THADA: variants seen among roughly 807,000 people sequenced by gnomAD.
THADA encodes THADA armadillo repeat containing.
A neutral mutation model predicts 219.8 loss-of-function variants in THADA; 213 were observed. That is an observed-to-expected ratio of 0.97 (90% CI 0.87 to 1.09). The LOEUF (loss-of-function observed/expected upper bound fraction) is 1.09, where lower values mean the gene tolerates loss of function less well. Among genes scored for constraint, THADA ranks in the 50% least tolerant of loss-of-function variants. The pLI is 0.00. For synonymous variants in THADA, 1,018 were observed against 828.9 expected, an observed-to-expected ratio of 1.23 and a Z score of -3.92; for missense variants, 2,956 against 2,311.3, an observed-to-expected ratio of 1.28 and a Z score of -5.72.
chr2:43,384,639 C>T (rs112324420), intron 29 of THADA, among the ~76,000 whole-genome samples: 35 of 152,252 alleles, frequency 2.3e-4, no homozygotes, highest in African/African-American at 8.2e-4. Context: ...AATTTTCTCT[C>T]AATCTGATCA....
intron 22 of THADA, among the ~76,000 whole-genome samples, chr2:43,520,593 G>C (rs778553419): frequency 6.6e-6 from 1 of 152,050 alleles, no homozygotes; most frequent in African/African-American, 2.4e-5. Flanking sequence ...AGGAAGCTGA[G>C]GTGAGAGGAC....
chr2:43,417,235 A>G (rs1677108706), intron 28 of THADA, among the ~76,000 whole-genome samples: 2 of 151,948 alleles, frequency 1.3e-5, no homozygotes. Flanking sequence ...ACTTAAGATG[A>G]CATACTAAAG....
At chr2:43,489,974 A>C (rs1687431104) in intron 25 of THADA, among the ~76,000 whole-genome samples, 1 of 152,060 alleles carries the variant, frequency 6.6e-6, no homozygotes, top group East Asian at 1.9e-4. Context: ...ACAATAGTTA[A>C]GTCTTCCAGT....
intron 25 of THADA, chr2:43,492,328 A>T (rs1687740966): frequency 6.6e-6 from 1 of 151,900 alleles, no homozygotes; most frequent in African/African-American, 2.4e-5. Context: ...AAAAAAAAAA[A>T]TACAGAACAG....
intron 29 of THADA, among the ~76,000 whole-genome samples, chr2:43,350,722 G>A (rs182867625): frequency 6.6e-6 from 1 of 152,346 alleles, no homozygotes; most frequent in Admixed American, 6.5e-5. Flanking sequence ...GGCACTTGCT[G>A]TCCACATGAA....
chr2:43,562,172 C>G (rs1212367042), intron 15 of THADA: 4 of 152,184 alleles, frequency 2.6e-5, no homozygotes, highest in Non-Finnish European at 4.4e-5. Context: ...GTTTTTGCCT[C>G]TATATCCATA....
chr2:43,286,883 C>A (rs1479771068), intron 35 of THADA, 25 bp downstream of exon 35: 3 of 1,599,114 alleles, frequency 1.9e-6, no homozygotes, highest in Non-Finnish European at 2.6e-6. Context: ...TTTGGTACAA[C>A]AGACTTCCGT....
At chr2:43,309,130 G>A (rs562005840) in intron 31 of THADA, among the ~76,000 whole-genome samples, 4 of 152,192 alleles carry the variant, frequency 2.6e-5, no homozygotes, top group Admixed American at 6.5e-5. Flanking sequence ...CAAACAACTC[G>A]AATTTAAAAA....
rs555799658 is a variant in THADA at position 43,245,426 on chromosome 2, G to A, written c.5297-12544C>T. Among the ~76,000 whole-genome samples the A allele has an allele frequency of 6.6e-5, 10 of 152,208 alleles. No individual in the cohort carries two copies. In the South Asian group the frequency reaches 1.9e-3, roughly 28 times the overall value. On this transcript the variant is annotated intron_variant, in intron 36 of 37. Coordinates refer to ENST00000405975, the MANE Select transcript of THADA (RefSeq NM_022065.5). ...GACCTCAGGTGATCCACCCGCCTTG[G>A]CCTCCCAACGTGCTGGGATTATAGG...
Position 43,549,191 on chromosome 2 carries a change from T to A in THADA, c.3106+19A>T, listed in dbSNP as rs183776031. On this transcript the variant is annotated intron_variant, in intron 20 of 37. Transcript: ENST00000405975. ...GGTTACTTAAACATGAATTACAGTATCCATTTTATACAAGTTACCTTTGAT... is the reference window on the plus strand; with the variant it reads ...GGTTACTTAAACATGAATTACAGTAACCATTTTATACAAGTTACCTTTGAT... 3.0e-4 allele frequency: 462 copies of A among 1,533,866 alleles called. 7 individuals carry two copies. In the Admixed American group the frequency reaches 8.6e-3, roughly 29 times the overall value.
At chr2:43,353,255 C>T (rs1441347716) in intron 29 of THADA, among the ~76,000 whole-genome samples, 1 of 152,220 alleles carries the variant, frequency 6.6e-6, no homozygotes, top group Non-Finnish European at 1.5e-5. Flanking sequence ...AATCTTCACA[C>T]TGTTTTCCAT....
chr2:43,294,911 T>A (rs1248150400), intron 31 of THADA, among the ~76,000 whole-genome samples: 2 of 151,098 alleles, frequency 1.3e-5, no homozygotes, highest in Non-Finnish European at 3.0e-5. Context: ...AGGGTAGGAG[T>A]CTCGGGTACC....
chr2:43,409,590 C>CA (rs1377923895), intron 28 of THADA, among the ~76,000 whole-genome samples: 3 of 150,754 alleles, frequency 2.0e-5, no homozygotes, highest in East Asian at 1.9e-4. Context: ...TACTGCCAGT[C>CA]AAAAAAAATA....
intron 21 of THADA, among the ~76,000 whole-genome samples, chr2:43,537,414 G>A (rs1329303196): frequency 3.9e-5 from 6 of 152,200 alleles, no homozygotes. Context: ...TAAATAGGAT[G>A]TGGTTACATG....
At chr2:43,274,718 C>T (rs1363589857) in intron 36 of THADA, among the ~76,000 whole-genome samples, 1 of 152,008 alleles carries the variant, frequency 6.6e-6, no homozygotes, top group Non-Finnish European at 1.5e-5. Context: ...TTTTTGTGGG[C>T]AAGGGGCCTT....
Position 43,230,911 on chromosome 2 carries a change from T to A in THADA, c.*37A>T. 6.5e-7 allele frequency: 1 copy of A among 1,538,250 alleles called. No individual in the cohort carries two copies. The highest frequency in any genetic ancestry group is 8.8e-7 in the Non-Finnish European group (1 of 1,142,662). On this transcript the variant is annotated 3_prime_UTR_variant, in exon 38 of 38. Coordinates refer to ENST00000405975, the MANE Select transcript of THADA (RefSeq NM_022065.5). ...TCCTGCAGATTTAGTGGAGGAAAAA[T>A]CCACACATACCCCCATCCCAATCCC...
intron 28 of THADA, among the ~76,000 whole-genome samples, chr2:43,425,187 C>G (rs780657894): frequency 2.0e-5 from 3 of 152,172 alleles, no homozygotes; most frequent in African/African-American, 7.2e-5. Flanking sequence ...GCCTTGCTCT[C>G]TGAACCTCAA....
chr2:43,574,456 C>T lies in THADA; in HGVS notation c.1609G>A (p.Gly537Arg). Residue 537 changes from glycine to arginine, a missense_variant, in exon 11 of 38, where the codon GGA (glycine) becomes AGA (arginine). Physicochemically the swap from Gly to Arg is moderately radical, Grantham distance 125 (BLOSUM62 -2). Transcript: ENST00000405975. ...ACGTAAGATTTTTGATCCAAGTTTC[C>T]TTCACACAATATAAAAAGGAGAGGA... ...VSPLLFILCE[G>R]NLDQKSYVID... The T allele has an allele frequency of 2.5e-6, 4 of 1,613,334 alleles. No homozygotes were observed. Among genetic ancestry groups the T allele is most frequent in the South Asian group, 1.1e-5 (1 of 91,000 alleles).
At chr2:43,241,790 G>A (rs1005947944) in intron 36 of THADA, among the ~76,000 whole-genome samples, 1 of 151,976 alleles carries the variant, frequency 6.6e-6, no homozygotes, top group Non-Finnish European at 1.5e-5. Flanking sequence ...CGCCTTTCAC[G>A]TGCGTGCTCA....
Sources: gnomAD v4.1 joint callset for allele counts (sites outside exome capture counted in the v4.1 genomes callset) on GRCh38, gnomAD v4.1.1 for gene constraint, MANE v1.5 for transcripts, NCBI Gene and HGNC (gene_info 2026-07-23, HGNC 2026-07-21) for gene names.